PALD1: variants seen among roughly 807,000 people sequenced by gnomAD.
PALD1 encodes phosphatase domain containing paladin 1.
Under a neutral mutation model 96.0 loss-of-function variants are expected in PALD1, and 57 were observed. The ratio of observed to expected loss-of-function variants is 0.59; its 90% confidence interval spans 0.48 to 0.74. The LOEUF (loss-of-function observed/expected upper bound fraction) is 0.74, where lower values mean the gene tolerates loss of function less well. Ranked by LOEUF, PALD1 falls within the 30% of genes least tolerant of loss-of-function variation. The pLI is 0.00. For missense variants in PALD1, 1,063 were observed against 1,143.7 expected, an observed-to-expected ratio of 0.93 and a Z score of 1.02; for synonymous variants, 464 against 473.6, an observed-to-expected ratio of 0.98 and a Z score of 0.26.
rs1846855840 is a variant in PALD1 at position 70,526,006 on chromosome 10, G to C, written c.55G>C (p.Glu19Gln). 3.7e-6 allele frequency: 6 copies of C among 1,614,190 alleles called. No homozygotes were observed. The Middle Eastern group carries it at 6.6e-4, about 178-fold the overall frequency. The change falls in exon 2 of 20, where the codon GAG (glutamate) becomes CAG (glutamine). Residue 19 changes from glutamate (E) to glutamine (Q), a missense_variant. Physicochemically the swap from Glu to Gln is conservative, Grantham distance 29 (BLOSUM62 2). Coordinates refer to ENST00000263563, the MANE Select transcript of PALD1 (RefSeq NM_014431.3). ...GACGGTCTCGGCAGGCACCCCATTT[G>C]AGGGCCTACAGGGCAGTGGCACGAT... ...QQTVSAGTPF[E>Q]GLQGSGTMDS... is the part of the protein sequence containing the mutation.
rs760184626 is a variant in PALD1, at chr10:70,539,569, C to A, written c.1726-11C>A. 1 of 1,600,712 alleles carries A rather than the reference C, an allele frequency of 6.2e-7. No individual in the cohort carries two copies. Among genetic ancestry groups the A allele is most frequent in the Non-Finnish European group, 8.5e-7 (1 of 1,172,284 alleles). On this transcript the variant is annotated splice_polypyrimidine_tract_variant and intron_variant, in intron 14 of 19. Coordinates refer to ENST00000263563, the MANE Select transcript of PALD1 (RefSeq NM_014431.3). This position sits in a 1 kb window ranked among gnomAD's most constrained non-coding sequence, Gnocchi z 4.5. ...CCAGTGGCCTGTGTCCTCCCTCCTG[C>A]CCTTGCCCAGACCCTGGAGGCCCAG... is the stretch of plus-strand genomic sequence containing the variant.
chr10:70,461,389 G>T, the PALD1 span, among the ~76,000 whole-genome samples: 90 of 152,346 alleles, frequency 5.9e-4, no homozygotes, highest in Middle Eastern at 6.8e-3. Flanking sequence ...GGGGCTATGG[G>T]TTAATGTCTG....
intron 1 of PALD1, among the ~76,000 whole-genome samples, chr10:70,511,616 C>A (rs1316602536): frequency 1.3e-5 from 2 of 152,202 alleles, no homozygotes; most frequent in Non-Finnish European, 2.9e-5. Flanking sequence ...AAGAGCACAG[C>A]ACTGACATCT....
At chr10:70,550,044 C>T (rs1847450165) in intron 18 of PALD1, among the ~76,000 whole-genome samples, 1 of 152,220 alleles carries the variant, frequency 6.6e-6, no homozygotes, top group Non-Finnish European at 1.5e-5. Context: ...GATATGGCCA[C>T]CAGGTGGTGC....
chr10:70,529,796 C>T, intron 3 of PALD1, 93 bp from the exon 4 acceptor site: 1 of 1,133,608 alleles, frequency 8.8e-7, no homozygotes, highest in Non-Finnish European at 1.3e-6. Context: ...CTATTTCCCC[C>T]CTCCCTGTCC....
intron 8 of PALD1, 39 bp downstream of exon 8, chr10:70,534,112 G>A (rs763792330): frequency 4.4e-5 from 67 of 1,521,458 alleles, no homozygotes; most frequent in Non-Finnish European, 5.7e-5. Flanking sequence ...AGGGCTGTGG[G>A]GCCGAGGAGG....
intron 1 of PALD1, among the ~76,000 whole-genome samples, chr10:70,514,713 A>G (rs1168032243): frequency 1.3e-5 from 2 of 152,118 alleles, no homozygotes; most frequent in South Asian, 4.1e-4. Flanking sequence ...CAAAAATCCT[A>G]CCAGACTGTA....
At chr10:70,564,254 C>T (rs1847794826) in intron 18 of PALD1, 110 bp from the exon 19 acceptor site, 2 of 1,188,540 alleles carry the variant, frequency 1.7e-6, no homozygotes, top group South Asian at 1.5e-5. Flanking sequence ...ACGCCCTCAG[C>T]TCTGAGGCTG....
At chr10:70,470,809 T>C in the PALD1 span, among the ~76,000 whole-genome samples, 1 of 151,548 alleles carries the variant, frequency 6.6e-6, no homozygotes, top group Non-Finnish European at 1.5e-5. Context: ...TATTTATGTA[T>C]TTATTTTTTG....
chr10:70,566,334 G>A (rs1173571506), intron 19 of PALD1, among the ~76,000 whole-genome samples: 1 of 152,238 alleles, frequency 6.6e-6, no homozygotes, highest in Admixed American at 6.5e-5. Context: ...GCTGCTATCT[G>A]TGTGGAGCAC....
intron 18 of PALD1, among the ~76,000 whole-genome samples, chr10:70,562,072 T>G (rs1847750113): frequency 6.6e-6 from 1 of 152,232 alleles, no homozygotes; most frequent in African/African-American, 2.4e-5. Context: ...CTTTCTGTGG[T>G]GCACACGTGC....
At chr10:70,482,339 A>G (rs1845946688) in intron 1 of PALD1, among the ~76,000 whole-genome samples, 1 of 152,172 alleles carries the variant, frequency 6.6e-6, no homozygotes, top group Non-Finnish European at 1.5e-5. Context: ...TTTGCTAAGA[A>G]TAGTCCCAAA....
rs1847877542 is a variant in PALD1 at position 70,567,444 on chromosome 10, C to A, written c.*711C>A. The A allele has an allele frequency of 2.6e-5, 4 of 152,770 alleles. No individual in the cohort carries two copies. The highest frequency in any genetic ancestry group is 2.0e-4 in the Admixed American group (3 of 15,280). 9.5% of individuals were successfully genotyped at this position (152,770 alleles called of 1,614,324 possible). ...CCTCTCATGGGGAGGAAAGAGCTTC[C>A]AGGGGGCGAACGCAGCACAGAGGAA... On this transcript the variant is annotated 3_prime_UTR_variant, in exon 20 of 20. Coordinates refer to ENST00000263563, the MANE Select transcript of PALD1 (RefSeq NM_014431.3).
At chr10:70,530,633 C>G (rs1305553953) in intron 4 of PALD1, among the ~76,000 whole-genome samples, 1 of 152,130 alleles carries the variant, frequency 6.6e-6, no homozygotes. Flanking sequence ...CCCTAGGACA[C>G]AGGCTGAGGG....
chr10:70,470,519 ATTTATTATTT>A, the PALD1 span, among the ~76,000 whole-genome samples: 1 of 148,812 alleles, frequency 6.7e-6, no homozygotes, highest in African/African-American at 2.4e-5. Context: ...TATAAGTGTG[ATTTATTATTT>A]TTTATTATAT....
the PALD1 span, among the ~76,000 whole-genome samples, chr10:70,472,369 T>G: frequency 1.3e-5 from 2 of 152,190 alleles, no homozygotes; most frequent in Admixed American, 1.3e-4. Context: ...CAAGCGATTC[T>G]CCTGCCTCAG....
At chr10:70,481,566 G>A (rs879302586) in intron 1 of PALD1, among the ~76,000 whole-genome samples, 24 of 152,236 alleles carry the variant, frequency 1.6e-4, no homozygotes, top group South Asian at 6.2e-4. Context: ...ATCTCCAGAG[G>A]CTTCCTGAAG....
chr10:70,483,193 G>A (rs967586605), intron 1 of PALD1, among the ~76,000 whole-genome samples: 1 of 152,088 alleles, frequency 6.6e-6, no homozygotes, highest in African/African-American at 2.4e-5. Flanking sequence ...TTTGAGGGAT[G>A]GCCAGGAGTT....
rs763251055 is a variant in PALD1 at position 70,539,716 on chromosome 10, C to G, written c.1862C>G (p.Thr621Ser). Residue 621 changes from threonine (T) to serine (S), a missense_variant, in exon 15 of 20, where the codon ACC becomes AGC. Transcript: ENST00000263563. This position sits in a 1 kb window ranked among gnomAD's most constrained non-coding sequence, Gnocchi z 4.5. ...SQHRRACPGL[T>S]YHRIPMPDFC... ...CACCGCAGGGCCTGTCCTGGCCTCA[C>G]CTACCACCGCATCCCCATGCCGGAC... is the stretch of plus-strand genomic sequence containing the variant. The G allele has an allele frequency of 6.2e-7, 1 of 1,613,116 alleles. No individual in the cohort carries two copies.
Sources: gnomAD v4.1 joint callset for allele counts (sites outside exome capture counted in the v4.1 genomes callset) on GRCh38, gnomAD v4.1.1 for gene constraint, Gnocchi (gnomAD v3.1) non-coding constraint, MANE v1.5 for transcripts, NCBI Gene and HGNC (gene_info 2026-07-23, HGNC 2026-07-21) for gene names.